GAK: variants seen among roughly 807,000 people sequenced by gnomAD.
GAK encodes cyclin G associated kinase.
Under a neutral mutation model 143.9 loss-of-function variants are expected in GAK, and 79 were observed. The observed-to-expected ratio is 0.55, with a 90% CI of 0.46 to 0.66. The LOEUF (loss-of-function observed/expected upper bound fraction) is 0.66. GAK is among the 30% of genes least tolerant of loss of function. The pLI, the probability that GAK is intolerant of heterozygous loss-of-function variation, is 0.00. For missense variants in GAK, 1,693 were observed against 1,779.7 expected (o/e 0.95, Z 0.88); for synonymous variants, 881 against 765.5 (o/e 1.15, Z -2.49).
intron 4 of GAK, among the ~76,000 whole-genome samples, chr4:910,406 TC>T (rs1484333545): frequency 2.6e-5 from 3 of 114,294 alleles, no homozygotes; most frequent in African/African-American, 1.0e-4. Context: ...CTAAGTGCAG[TC>T]CCCCCTCCAC....
At chr4:879,063 G>A (rs1192358359) in intron 15 of GAK, among the ~76,000 whole-genome samples, 1 of 152,234 alleles carries the variant, frequency 6.6e-6, no homozygotes, top group Non-Finnish European at 1.5e-5. Flanking sequence ...CTCAGAGTCA[G>A]TGCGGCCAAC....
intron 14 of GAK, among the ~76,000 whole-genome samples, 171 bp from the exon 15 acceptor site, chr4:882,211 G>C (rs775611754): frequency 5.3e-5 from 8 of 152,356 alleles, no homozygotes; most frequent in Non-Finnish European, 1.0e-4. Flanking sequence ...GGCAAGAATG[G>C]AGCCCAACAG....
chr4:911,546 C>T (rs563557467), intron 4 of GAK, 127 bp downstream of exon 4: 18 of 646,120 alleles, frequency 2.8e-5, no homozygotes, highest in South Asian at 2.3e-4. Flanking sequence ...CCGCGCTTCC[C>T]GCTAAGACCA....
At position 877,664 on chromosome 4, in the gene GAK, C is replaced by T. The variant is rs146207272; in HGVS notation, c.1807G>A (p.Val603Met). 8.9e-5 allele frequency: 144 copies of T among 1,610,114 alleles called. No homozygotes were observed. In the African/African-American group the frequency reaches 1.5e-3, roughly 17 times the overall value. The change falls in exon 16 of 28, where the codon GTG (valine) becomes ATG (methionine). Residue 603 changes from valine (V) to methionine (M), a missense_variant. Val to Met is a conservative substitution (Grantham distance 21). Transcript: ENST00000314167. ...GTGCTGGCCACACGCTCGTCCCCCA[C>T]GTAGACCTCGCAGAAGGGCCTGCAG... ...SGCRPFCEVYVGDERVASTSQ... is the reference protein window; with the variant it reads ...SGCRPFCEVYMGDERVASTSQ...
chr4:919,989 C>A (rs1195605476), intron 1 of GAK, among the ~76,000 whole-genome samples: 1 of 152,274 alleles, frequency 6.6e-6, no homozygotes, highest in East Asian at 1.9e-4. Flanking sequence ...GTGCTCCAAC[C>A]TGGATGACAG....
At chr4:849,831 A>AGGTGGGGGGG in intron 27 of GAK, 57 bp from the exon 28 acceptor site, 2 of 999,050 alleles carry the variant, frequency 2.0e-6, no homozygotes, top group Non-Finnish European at 2.9e-6. Context: ...CGGGCGGGGC[A>AGGTGGGGGGG]GGACCCCCCC....
chr4:882,951 C>T (rs1251291451), intron 13 of GAK, 132 bp from the exon 14 acceptor site: 43 of 1,169,864 alleles, frequency 3.7e-5, no homozygotes, highest in East Asian at 1.0e-4. Context: ...TCCACCTGCG[C>T]GAGACCTGAG....
intron 2 of GAK, among the ~76,000 whole-genome samples, chr4:913,199 G>A (rs114223252): frequency 1.3e-5 from 2 of 152,328 alleles, no homozygotes; most frequent in East Asian, 1.9e-4. Context: ...GCCTTCTTAC[G>A]TCTCAGGACA....
At chr4:894,235 G>T (rs1718295872) in intron 7 of GAK, 1 of 438,844 alleles carries the variant, frequency 2.3e-6, no homozygotes, top group South Asian at 3.5e-5. Context: ...AACAACAGGG[G>T]TGACACCCGG....
intron 4 of GAK, among the ~76,000 whole-genome samples, 182 bp from the exon 5 acceptor site, chr4:904,961 C>G (rs982500271): frequency 1.3e-5 from 2 of 152,242 alleles, no homozygotes; most frequent in Admixed American, 6.5e-5. Context: ...AGATGGGAAA[C>G]TGCCTGACTG....
chr4:866,600 T>C, intron 21 of GAK, 66 bp from the exon 22 acceptor site: 4 of 1,548,450 alleles, frequency 2.6e-6, no homozygotes, highest in Admixed American at 1.9e-5. Flanking sequence ...AGCCCAGCTC[T>C]GGAGTCAGGC....
Position 870,822 on chromosome 4 carries a change from C to T in GAK, c.2137G>A (p.Asp713Asn), listed in dbSNP as rs775596111. The change falls in exon 19 of 28, where the codon GAC (aspartate) becomes AAC (asparagine). Residue 713 changes from aspartate (D) to asparagine (N), a missense_variant. By Grantham distance (23) the Asp-to-Asn change is conservative. Around this residue, in one of 2 missense-constraint regions of GAK, gnomAD observed 871 missense variants for 991.0 expected, o/e 0.88. Coordinates refer to ENST00000314167, the MANE Select transcript of GAK (RefSeq NM_005255.4). ...GGTGGGGCTTCCCGGCTCGGCCTGT[C>T]CCTGGGCTCCACCTCCACTTCCAGG... Reference protein sequence around the residue: ...VNLEVEVEPRDRPSREAPPWE... With the variant: ...VNLEVEVEPRNRPSREAPPWE... 1.2e-5 allele frequency: 19 copies of T among 1,613,990 alleles called. No individual in the cohort carries two copies. The highest frequency in any genetic ancestry group is 2.7e-5 in the African/African-American group (2 of 74,946).
Position 868,571 on chromosome 4 carries a change from G to A in GAK, c.2363C>T (p.Ala788Val), listed in dbSNP as rs1321920125. The A allele has an allele frequency of 1.9e-6, 3 of 1,607,554 alleles. No homozygotes were observed. The highest frequency in any genetic ancestry group is 1.7e-6 in the Non-Finnish European group (2 of 1,177,732). ...SDSPPSSSAD[A>V]SRFLHTLDWQ... ...GTCCAGCGTGTGCAGGAAGCGACTG[G>A]CGTCCGCGCTGCTGCTTGGCGGTGA... The change falls in exon 20 of 28, where the codon GCC becomes GTC. Residue 788 changes from alanine to valine, a missense_variant. By Grantham distance (64) the Ala-to-Val change is moderately conservative (BLOSUM62 0). Around this residue, in one of 2 missense-constraint regions of GAK, gnomAD observed 822 missense variants for 788.7 expected, o/e 1.04. Transcript: ENST00000314167.
At chr4:878,055 C>T (rs1714346211) in intron 15 of GAK, among the ~76,000 whole-genome samples, 1 of 151,998 alleles carries the variant, frequency 6.6e-6, no homozygotes, top group Non-Finnish European at 1.5e-5. Context: ...TTTTAAATTT[C>T]TCGTGATACT....
rs984920908 is a variant in GAK, at chr4:911,777, G to C, written c.278C>G (p.Ser93Cys). The C allele has an allele frequency of 1.2e-6, 2 of 1,613,700 alleles. No homozygotes were observed. Among genetic ancestry groups the C allele is most frequent in the Non-Finnish European group, 1.7e-6 (2 of 1,179,792 alleles). Residue 93 changes from serine (S) to cysteine (C), a missense_variant, in exon 4 of 28, where the codon TCC (serine) becomes TGC (cysteine). Physicochemically the swap from Ser to Cys is moderately radical, Grantham distance 112. Transcript: ENST00000314167. ...AAACTGGACAATGTTCGGGTGGCCGGAAAGCTTTTTCTGCAGTTGTCTTGT... is the reference window on the plus strand; with the variant it reads ...AAACTGGACAATGTTCGGGTGGCCGCAAAGCTTTTTCTGCAGTTGTCTTGT... ...IQEVCFMKKLSGHPNIVQFCS... is the reference protein window; with the variant it reads ...IQEVCFMKKLCGHPNIVQFCS...
chr4:883,800 G>C (rs1715665207), intron 12 of GAK, among the ~76,000 whole-genome samples: 2 of 152,236 alleles, frequency 1.3e-5, no homozygotes, highest in African/African-American at 2.4e-5. Context: ...TGTTGTTCCT[G>C]GCATGACCTC....
At chr4:896,342 G>A in intron 7 of GAK, 118 bp downstream of exon 7, 1 of 736,648 alleles carries the variant, frequency 1.4e-6, no homozygotes, top group Non-Finnish European at 2.4e-6. Flanking sequence ...GGACGGGAGG[G>A]GAAGAGGGGG....
At chr4:907,887 T>TA (rs1181710685) in intron 4 of GAK, among the ~76,000 whole-genome samples, 1 of 152,158 alleles carries the variant, frequency 6.6e-6, no homozygotes, top group African/African-American at 2.4e-5. Context: ...GCGCATGCGT[T>TA]AGTCTGCCTC....
rs533891037 is a variant in GAK at position 923,564 on chromosome 4, A to G, written c.145+8479T>C. On this transcript the variant is annotated intron_variant, in intron 1 of 27. Transcript: ENST00000314167. ...GTGGTGCGTGCCTGTGGTCCCAGCT[A>G]CCTGGGAGGCTGAGGTGGGAGGATC... Among the ~76,000 whole-genome samples, 16 of 152,232 alleles carry G rather than the reference A, an allele frequency of 1.1e-4. No homozygotes were observed. In the South Asian group the frequency reaches 3.3e-3, roughly 32 times the overall value.
Sources: allele counts gnomAD v4.1 joint callset (sites outside exome capture counted in the v4.1 genomes callset), GRCh38; gene constraint gnomAD v4.1.1; regional missense constraint gnomAD v4.1.1; transcripts MANE v1.5; gene names NCBI Gene and HGNC (gene_info 2026-07-23, HGNC 2026-07-21).